Variants in UNC13B observed in about 807,000 individuals in gnomAD.
UNC13B encodes unc-13 homolog B, also known as protein unc-13 homolog B.
UNC13B carries 144 observed loss-of-function variants against 211.0 expected under a neutral mutation model. The observed-to-expected ratio is 0.68, with a 90% confidence interval of 0.60 to 0.78. UNC13B has a LOEUF of 0.78. Ranked by LOEUF, UNC13B falls within the 30% of genes least tolerant of loss-of-function variation. The pLI, the probability that UNC13B is intolerant of heterozygous loss-of-function variation, is 0.00. For missense variants in UNC13B, 1,777 were observed against 2,002.0 expected (o/e 0.89, Z 2.14); for synonymous variants, 709 against 725.8 (o/e 0.98, Z 0.37).
intron 1 of UNC13B, among the ~76,000 whole-genome samples, chr9:35,172,799 A>G (rs1361318014): frequency 2.0e-5 from 3 of 152,154 alleles, no homozygotes; most frequent in African/African-American, 4.8e-5. Context: ...TCCTTTGGTG[A>G]TAAAATATGT....
chr9:35,239,526 G>A (rs929214313), intron 5 of UNC13B, among the ~76,000 whole-genome samples: 1 of 152,092 alleles, frequency 6.6e-6, no homozygotes, highest in Non-Finnish European at 1.5e-5. Flanking sequence ...ATGAAGTTTC[G>A]GGCATGCATT....
At chr9:35,381,758 C>T in intron 20 of UNC13B, 39 bp downstream of exon 20, 3 of 1,602,602 alleles carry the variant, frequency 1.9e-6, no homozygotes, top group Non-Finnish European at 2.6e-6. Flanking sequence ...GGCTACTAAT[C>T]ACTGGGGTGG....
At position 35,400,160 on chromosome 9, in the gene UNC13B, A is replaced by G. The variant is rs1032576527; in HGVS notation, c.12337-136A>G. 12 of 1,248,508 alleles carry G rather than the reference A, an allele frequency of 9.6e-6. No individual in the cohort carries two copies. In the South Asian group the frequency reaches 1.8e-4, roughly 19 times the overall value. The allele number at this position is 1,248,508 out of a possible 1,614,324, so 77.3% of individuals were successfully genotyped here. A position where few individuals can be genotyped will look rare whatever the true frequency, so the allele number is the denominator to read the frequency against. ...AATACCCAAATAATACTCATCCAAG[A>G]GCCTATGCTCTGGTTCTGTGGGTGT... is the stretch of plus-strand genomic sequence containing the variant. On this transcript the variant is annotated intron_variant, in intron 36 of 39. Transcript: ENST00000635942.
intron 6 of UNC13B, among the ~76,000 whole-genome samples, chr9:35,250,127 G>A (rs375009516): frequency 1.3e-5 from 2 of 149,938 alleles, no homozygotes; most frequent in African/African-American, 2.5e-5. Context: ...TTTATCTTTC[G>A]TCTTTCTTCC....
chr9:35,367,734 C>T (rs1205991272), intron 12 of UNC13B, among the ~76,000 whole-genome samples: 8 of 152,138 alleles, frequency 5.3e-5, no homozygotes. Context: ...TTTCTGAGCT[C>T]TGTATGTTCT....
intron 3 of UNC13B, among the ~76,000 whole-genome samples, chr9:35,232,952 G>A (rs1273730886): frequency 6.6e-6 from 1 of 152,174 alleles, no homozygotes; most frequent in Non-Finnish European, 1.5e-5. Context: ...AGATAATGGT[G>A]TCTTGGAAGC....
At position 35,307,764 on chromosome 9, in the gene UNC13B, T is replaced by C; in HGVS notation, c.8360T>C (p.Leu2787Pro). ...TCTGCTACTAACCATGGGAAACCAC[T>C]GAGCTCTTTCTTTTCCTCACCTCTC... ...PSSATNHGKP[L>P]SSFFSSPLPS... Residue 2787 changes from leucine to proline, a missense_variant, in exon 9 of 40, where the codon CTG becomes CCG. Transcript: ENST00000635942. 2.5e-6 allele frequency: 1 copy of C among 399,066 alleles called. No individual in the cohort carries two copies. 24.7% of individuals were successfully genotyped at this position (399,066 alleles called of 1,614,324 possible).
At chr9:35,257,437 C>T (rs1338769971) in intron 6 of UNC13B, among the ~76,000 whole-genome samples, 1 of 123,884 alleles carries the variant, frequency 8.1e-6, no homozygotes, top group African/African-American at 2.9e-5. Flanking sequence ...AAATATTAGC[C>T]ATGTTTGGTG....
At chr9:35,227,196 T>G (rs1824896786) in intron 1 of UNC13B, among the ~76,000 whole-genome samples, 1 of 152,208 alleles carries the variant, frequency 6.6e-6, no homozygotes, top group Admixed American at 6.5e-5. Flanking sequence ...GGAGAGGACG[T>G]GTGAAAGGTA....
chr9:35,183,187 C>T (rs1158569494), intron 1 of UNC13B, among the ~76,000 whole-genome samples: 5 of 145,386 alleles, frequency 3.4e-5, no homozygotes, highest in Admixed American at 3.4e-4. Context: ...AGAGGTGCTC[C>T]TCACCTCCCA....
chr9:35,342,102 G>C (rs550152300), intron 11 of UNC13B: 1 of 985,356 alleles, frequency 1.0e-6, no homozygotes, highest in African/African-American at 1.7e-5. Flanking sequence ...CATCAACTTT[G>C]TGCCGTGGAG....
intron 1 of UNC13B, among the ~76,000 whole-genome samples, chr9:35,185,541 C>T (rs1465438396): frequency 1.3e-5 from 2 of 152,158 alleles, no homozygotes; most frequent in Non-Finnish European, 2.9e-5. Flanking sequence ...TTCTTCCAAC[C>T]CCGAGCTTCA....
intron 1 of UNC13B, among the ~76,000 whole-genome samples, chr9:35,187,013 C>G (rs931432626): frequency 2.0e-5 from 3 of 152,152 alleles, no homozygotes; most frequent in African/African-American, 7.2e-5. Flanking sequence ...GAACCATTAT[C>G]TCTGCTATTA....
chr9:35,325,272 G>T (rs1183871643), intron 11 of UNC13B, among the ~76,000 whole-genome samples: 2 of 152,130 alleles, frequency 1.3e-5, no homozygotes, highest in Non-Finnish European at 1.5e-5. Flanking sequence ...AATGAGGGGG[G>T]TTTTCTTGCC....
chr9:35,272,050 G>A (rs1263766234), intron 7 of UNC13B, among the ~76,000 whole-genome samples: 1 of 151,948 alleles, frequency 6.6e-6, no homozygotes, highest in African/African-American at 2.4e-5. Flanking sequence ...TCCATATGAT[G>A]GAATTGTATA....
At chr9:35,199,967 A>G (rs900642444) in intron 1 of UNC13B, among the ~76,000 whole-genome samples, 4 of 151,912 alleles carry the variant, frequency 2.6e-5, no homozygotes, top group African/African-American at 4.8e-5. Flanking sequence ...GGTTTTTATG[A>G]TTTTAGGTCT....
intron 1 of UNC13B, among the ~76,000 whole-genome samples, chr9:35,176,785 A>G (rs928094387): frequency 1.3e-5 from 2 of 152,242 alleles, no homozygotes; most frequent in African/African-American, 4.8e-5. Context: ...TTATAAGAAC[A>G]TGTGTTAAGG....
At chr9:35,392,684 C>T (rs2132322793) in intron 26 of UNC13B, among the ~76,000 whole-genome samples, 1 of 151,628 alleles carries the variant, frequency 6.6e-6, no homozygotes, top group Middle Eastern at 3.4e-3. Context: ...GGAGATATAC[C>T]TAATGCTAGA....
At chr9:35,291,160 A>G in intron 7 of UNC13B, 2 of 1,495,228 alleles carry the variant, frequency 1.3e-6, no homozygotes, top group Admixed American at 2.0e-5. Flanking sequence ...CAAAGTACAT[A>G]CTCCCTCTGA....
Sources: allele counts gnomAD v4.1 joint callset (sites outside exome capture counted in the v4.1 genomes callset), GRCh38; gene constraint gnomAD v4.1.1; transcripts MANE v1.5; gene names NCBI Gene and HGNC (gene_info 2026-07-23, HGNC 2026-07-21).